Variants in CEP290 observed in about 807,000 individuals in gnomAD.
The protein encoded by CEP290 is centrosomal protein 290.
Under a neutral mutation model 344.9 loss-of-function variants are expected in CEP290, and 317 were observed. The observed-to-expected ratio is 0.92, with a 90% confidence interval of 0.84 to 1.01. The LOEUF (loss-of-function observed/expected upper bound fraction) is 1.01. Ranked by LOEUF, CEP290 falls within the 50% of genes least tolerant of loss-of-function variation. CEP290 has a pLI of 0.00. For missense variants in CEP290, 2,754 were observed against 2,761.4 expected (o/e 1.00, Z 0.06); for synonymous variants, 932 against 895.8 (o/e 1.04, Z -0.72).
At chr12:88,084,954 A>G (rs1277295130) in intron 34 of CEP290, 102 bp from the exon 35 acceptor site, 7 of 879,562 alleles carry the variant, frequency 8.0e-6, no homozygotes, top group Non-Finnish European at 1.2e-5. Flanking sequence ...AATTCACTTT[A>G]TTTTTCACAT....
chr12:88,049,143 G>A lies in CEP290; in HGVS notation c.*41C>T, dbSNP rs769694754. ...TTTCCAAGTATATTTAACTTATAAAGTTAATAAATAGTTAAATGAAACAAA... is the reference window on the plus strand; with the variant it reads ...TTTCCAAGTATATTTAACTTATAAAATTAATAAATAGTTAAATGAAACAAA... On this transcript the variant is annotated 3_prime_UTR_variant, in exon 54 of 54. Coordinates refer to ENST00000552810, the MANE Select transcript of CEP290 (RefSeq NM_025114.4). 9.1e-6 allele frequency: 11 copies of A among 1,213,912 alleles called. No homozygotes were observed. The Admixed American group carries it at 1.1e-4, about 12-fold the overall frequency. The allele number at this position is 1,213,912 out of a possible 1,614,324, so 75.2% of individuals were successfully genotyped here. A position where few individuals can be genotyped will look rare whatever the true frequency, so the allele number is the denominator to read the frequency against.
chr12:88,120,304 TATAAC>T, intron 14 of CEP290, 28 bp from the exon 15 acceptor site: 1 of 1,121,728 alleles, frequency 8.9e-7, no homozygotes, highest in Non-Finnish European at 1.2e-6. Context: ...TAATTTAAAA[TATAAC>T]ATGGTTTACT....
chr12:88,138,835 C>T (rs1294197979), intron 5 of CEP290, among the ~76,000 whole-genome samples: 2 of 152,148 alleles, frequency 1.3e-5, no homozygotes. Context: ...ACTTCTATAA[C>T]ACCCTTTCGT....
Position 88,079,170 on chromosome 12 carries a change from A to G in CEP290, c.5286T>C (p.Arg1762=). The change falls in exon 39 of 54, where the codon CGT becomes CGC. Residue 1762 remains arginine, a synonymous_variant. Coordinates refer to ENST00000552810, the MANE Select transcript of CEP290 (RefSeq NM_025114.4). ...RAEMTAAAEE[R]IISATSQKEA... ...CTTTTTGAGAAGTTGCAGAAATAATACGTTCTTCAGCAGCTGCTGTCATTT... is the reference window on the plus strand; with the variant it reads ...CTTTTTGAGAAGTTGCAGAAATAATGCGTTCTTCAGCAGCTGCTGTCATTT... The G allele has an allele frequency of 6.2e-7, 1 of 1,603,926 alleles. No individual in the cohort carries two copies. The highest frequency in any genetic ancestry group is 1.1e-5 in the South Asian group (1 of 88,602).
chr12:88,058,713 T>C (rs2034215531), intron 49 of CEP290, 135 bp downstream of exon 49: 1 of 847,006 alleles, frequency 1.2e-6, no homozygotes, highest in Non-Finnish European at 1.8e-6. Flanking sequence ...AGAAAAAAAG[T>C]ATTATGTTAA....
chr12:88,102,477 T>G (rs1242251216), intron 26 of CEP290, among the ~76,000 whole-genome samples: 2 of 152,100 alleles, frequency 1.3e-5, no homozygotes, highest in Non-Finnish European at 2.9e-5. Context: ...ACTTAATGAG[T>G]GCTTCCCTCC....
intron 52 of CEP290, among the ~76,000 whole-genome samples, chr12:88,050,776 G>C (rs944155992): frequency 6.6e-6 from 1 of 152,168 alleles, no homozygotes; most frequent in African/African-American, 2.4e-5. Flanking sequence ...GCAGACTGTT[G>C]GGTAAGGGAC....
At chr12:88,050,285 A>C (rs2033368578) in intron 53 of CEP290, 69 bp downstream of exon 53, 1 of 747,608 alleles carries the variant, frequency 1.3e-6, no homozygotes, top group Non-Finnish European at 2.3e-6. Flanking sequence ...ACGTAGTTAA[A>C]GATGGTAATG....
chr12:88,135,334 T>C (rs191508076), intron 6 of CEP290, among the ~76,000 whole-genome samples: 31 of 152,130 alleles, frequency 2.0e-4, no homozygotes, highest in African/African-American at 7.2e-4. Flanking sequence ...ATGGACAAGG[T>C]AGTTCTGATT....
chr12:88,115,296 A>G, intron 18 of CEP290, 114 bp from the exon 19 acceptor site: 1 of 720,662 alleles, frequency 1.4e-6, no homozygotes, highest in South Asian at 1.9e-5. Flanking sequence ...AAACAAAAAA[A>G]ACGAGCTATG....
chr12:88,085,423 G>A (rs2036504971), intron 34 of CEP290, among the ~76,000 whole-genome samples: 1 of 152,062 alleles, frequency 6.6e-6, no homozygotes, highest in African/African-American at 2.4e-5. Context: ...TAAAATTACT[G>A]AAGAAAATCT....
At chr12:88,118,801 T>C in intron 15 of CEP290, 58 bp from the exon 16 acceptor site, 3 of 1,206,364 alleles carry the variant, frequency 2.5e-6, no homozygotes, top group Non-Finnish European at 3.5e-6. Context: ...GCTGCAAAAA[T>C]GTCATATACC....
Position 88,080,526 on chromosome 12 carries a change from T to C in CEP290, c.5013-131A>G. On this transcript the variant is annotated intron_variant, in intron 37 of 53. Transcript: ENST00000552810. ...CTGACTGCAACCTCTGCCTCCCAGA[T>C]TCAAGTGATTTTTTTGCCTCAACTT... The C allele has an allele frequency of 6.3e-6, 4 of 632,232 alleles. No homozygotes were observed. The South Asian group carries it at 9.6e-5, about 15-fold the overall frequency. The allele number at this position is 632,232 out of a possible 1,614,324, so 39.2% of individuals were successfully genotyped here. A position where few individuals can be genotyped will look rare whatever the true frequency, so the allele number is the denominator to read the frequency against.
At chr12:88,097,511 C>T (rs1283598739) in intron 26 of CEP290, among the ~76,000 whole-genome samples, 1 of 151,848 alleles carries the variant, frequency 6.6e-6, no homozygotes, top group Non-Finnish European at 1.5e-5. Context: ...AATTAAACCT[C>T]TTTCCTTTAT....
chr12:88,112,655 A>C (rs748139212), intron 20 of CEP290, among the ~76,000 whole-genome samples: 3 of 152,078 alleles, frequency 2.0e-5, no homozygotes, highest in Non-Finnish European at 2.9e-5. Flanking sequence ...GTGAAGGTAG[A>C]AGCCAAATAA....
At chr12:88,075,099 C>T (rs894796275) in intron 41 of CEP290, among the ~76,000 whole-genome samples, 7 of 152,158 alleles carry the variant, frequency 4.6e-5, no homozygotes, top group African/African-American at 1.2e-4. Flanking sequence ...TGGGATCTGA[C>T]ACTATCTCCA....
Position 88,139,591 on chromosome 12 carries a change from A to G in CEP290, c.181-27T>C, listed in dbSNP as rs761325773. ...TAAACATTAAAAAAAGGTTATTTCA[A>G]TATGCCTTTATACTGGAATGTAAGC... is the stretch of plus-strand genomic sequence containing the variant. On this transcript the variant is annotated intron_variant, in intron 3 of 53. Transcript: ENST00000552810. 15 of 1,488,250 alleles carry G rather than the reference A, an allele frequency of 1.0e-5. No homozygotes were observed. The Admixed American group carries it at 2.6e-4, about 26-fold the overall frequency. The allele number at this position is 1,488,250 out of a possible 1,614,324, so 92.2% of individuals were successfully genotyped here. A position where few individuals can be genotyped will look rare whatever the true frequency, so the allele number is the denominator to read the frequency against.
In CEP290 at chr12:88,089,038, G is replaced by T; in HGVS notation, c.4023C>A (p.Ala1341=). 4.0e-6 allele frequency: 6 copies of T among 1,483,008 alleles called. No homozygotes were observed. Among genetic ancestry groups the T allele is most frequent in the South Asian group, 3.0e-5 (2 of 66,346 alleles). 91.9% of individuals were successfully genotyped at this position (1,483,008 alleles called of 1,614,324 possible). ...ATCAAGTTTAAATGTTTACCTTTTG[G>T]GCTCCTTTGGTATCCTTTAAAGTGC... The part of the protein sequence containing the change: ...LISTLKDTKG[A]QKVINWHMKI... Residue 1341 remains alanine (A), a synonymous_variant, in exon 31 of 54, where the codon GCC becomes GCA. Coordinates refer to ENST00000552810, the MANE Select transcript of CEP290 (RefSeq NM_025114.4).
In CEP290 at chr12:88,084,674, T is replaced by C; in HGVS notation, c.4616A>G (p.His1539Arg). The C allele has an allele frequency of 1.2e-6, 2 of 1,613,808 alleles. No homozygotes were observed. Among genetic ancestry groups the C allele is most frequent in the Non-Finnish European group, 8.5e-7 (1 of 1,179,732 alleles). ...PKSHHTLKIA[H>R]QTIANMQARL... ...TGCTTGCATGTTTGCAATGGTTTGA[T>C]GAGCAATTTTCAATGTGTGGTGAGA... Residue 1539 changes from histidine (H) to arginine (R), a missense_variant, in exon 35 of 54, where the codon CAT becomes CGT. His to Arg is a conservative substitution (Grantham distance 29, BLOSUM62 0). Transcript: ENST00000552810.
Sources: allele counts gnomAD v4.1 joint callset (sites outside exome capture counted in the v4.1 genomes callset), GRCh38; gene constraint gnomAD v4.1.1; transcripts MANE v1.5; gene names NCBI Gene and HGNC (gene_info 2026-07-23, HGNC 2026-07-21).